MAP3K5: variants seen among roughly 807,000 people sequenced by gnomAD.
The protein encoded by MAP3K5 is ASK-1.
Under a neutral mutation model 158.7 loss-of-function variants are expected in MAP3K5, and 56 were observed. The observed-to-expected ratio is 0.35, with a 90% confidence interval of 0.28 to 0.44. The LOEUF is 0.44. Ranked by LOEUF, MAP3K5 falls within the 20% of genes least tolerant of loss-of-function variation. The pLI is 1.00. For missense variants in MAP3K5, 1,294 were observed against 1,674.8 expected (o/e 0.77, Z 3.97); for synonymous variants, 579 against 601.7 (o/e 0.96, Z 0.55).
chr6:136,655,355 G>A (rs942741470), intron 10 of MAP3K5, among the ~76,000 whole-genome samples: 2 of 152,210 alleles, frequency 1.3e-5, no homozygotes, highest in African/African-American at 2.4e-5. Flanking sequence ...AAAGTGAAGT[G>A]TTTCAGTTAG....
intron 1 of MAP3K5, among the ~76,000 whole-genome samples, chr6:136,749,907 A>G (rs918999575): frequency 1.3e-5 from 2 of 152,142 alleles, no homozygotes; most frequent in East Asian, 1.9e-4. Flanking sequence ...GAGCAGCTAT[A>G]TCGGTAAACC....
intron 14 of MAP3K5, chr6:136,636,994 CTTCT>C (rs1467830565): frequency 2.8e-6 from 3 of 1,060,694 alleles, no homozygotes; most frequent in Non-Finnish European, 3.4e-6. Flanking sequence ...TTCAGTGAAT[CTTCT>C]TTGTCTGAAT....
At chr6:136,654,494 T>G (rs763354137) in intron 10 of MAP3K5, among the ~76,000 whole-genome samples, 1 of 152,212 alleles carries the variant, frequency 6.6e-6, no homozygotes, top group Non-Finnish European at 1.5e-5. Flanking sequence ...TTGCCCAGGC[T>G]GGACTGCAAT....
chr6:136,664,748 T>C (rs111536142), intron 8 of MAP3K5, among the ~76,000 whole-genome samples: 2,853 of 152,254 alleles, frequency 0.019, 77 homozygotes, highest in African/African-American at 0.061. Context: ...TTGGCCAACA[T>C]GGCAAAATCC....
In MAP3K5 at chr6:136,768,926, A is replaced by G. The variant is rs573642992; in HGVS notation, c.448+22784T>C. Among the ~76,000 whole-genome samples the G allele has an allele frequency of 1.4e-4, 22 of 152,174 alleles. 1 individual carries two copies. The highest frequency in any genetic ancestry group is 3.4e-3 in the Middle Eastern group (1 of 294). The stretch of plus-strand genomic sequence containing the variant: ...AGTGAAACTCCATGTCAAAAAAAAA[A>G]AAAGAAAGAAAATGGCTTGGTGATT... On this transcript the variant is annotated intron_variant, in intron 1 of 29. Coordinates refer to ENST00000359015, the MANE Select transcript of MAP3K5 (RefSeq NM_005923.4).
intron 11 of MAP3K5, among the ~76,000 whole-genome samples, chr6:136,648,708 A>G (rs896579595): frequency 6.6e-6 from 1 of 152,210 alleles, no homozygotes; most frequent in African/African-American, 2.4e-5. Flanking sequence ...CCTAGAAACT[A>G]TAGCACCGGG....
intron 28 of MAP3K5, among the ~76,000 whole-genome samples, chr6:136,560,873 G>C (rs1305435580): frequency 6.6e-6 from 1 of 151,536 alleles, no homozygotes; most frequent in East Asian, 1.9e-4. Context: ...CTTGAGCCCA[G>C]CAGGTCAAGG....
chr6:136,718,619 G>C (rs1182685992), intron 2 of MAP3K5, among the ~76,000 whole-genome samples: 1 of 152,146 alleles, frequency 6.6e-6, no homozygotes, highest in Non-Finnish European at 1.5e-5. Flanking sequence ...GCCTTTTTAA[G>C]GAACTACTTC....
At chr6:136,765,359 C>T (rs1377023888) in intron 1 of MAP3K5, among the ~76,000 whole-genome samples, 1 of 152,032 alleles carries the variant, frequency 6.6e-6, no homozygotes, top group Non-Finnish European at 1.5e-5. Context: ...ATGCAGTGTG[C>T]AAACACAGCT....
At chr6:136,561,474 G>T in intron 28 of MAP3K5, 59 bp downstream of exon 28, 1 of 1,253,532 alleles carries the variant, frequency 8.0e-7, no homozygotes, top group Non-Finnish European at 1.2e-6. Flanking sequence ...CACATAGCAG[G>T]CACCCAACAT....
chr6:136,779,358 A>G (rs1326906827), intron 1 of MAP3K5, among the ~76,000 whole-genome samples: 1 of 151,038 alleles, frequency 6.6e-6, no homozygotes, highest in African/African-American at 2.4e-5. Flanking sequence ...CAGGAGGATC[A>G]CTTGAGTCTG....
In MAP3K5 at chr6:136,601,869, G is replaced by A. The variant is rs1303233596; in HGVS notation, c.2790C>T (p.Asn930=). The change falls in exon 20 of 30, where the codon AAC becomes AAT. Residue 930 remains asparagine (N), a synonymous_variant. Transcript: ENST00000359015. Reference sequence around the variant, plus strand: ...TTAAAAACTCATCAACAAGCAAGTCGTTAGCACAGGCTCTCTTGTCAGGAT... The same window carrying A: ...TTAAAAACTCATCAACAAGCAAGTCATTAGCACAGGCTCTCTTGTCAGGAT... ...EPDPDKRACA[N]DLLVDEFLKV... is the part of the protein sequence containing the mutation. The A allele has an allele frequency of 3.1e-6, 5 of 1,614,134 alleles. No individual in the cohort carries two copies. The South Asian group carries it at 3.3e-5, about 11-fold the overall frequency.
At chr6:136,735,737 G>A (rs974847620) in intron 1 of MAP3K5, among the ~76,000 whole-genome samples, 3 of 152,146 alleles carry the variant, frequency 2.0e-5, no homozygotes, top group African/African-American at 7.2e-5. Context: ...GCTGAGGCAG[G>A]AGGATGGCTT....
chr6:136,562,257 T>A (rs1458369573), intron 27 of MAP3K5, among the ~76,000 whole-genome samples: 1 of 152,230 alleles, frequency 6.6e-6, no homozygotes, highest in Non-Finnish European at 1.5e-5. Flanking sequence ...GAGAGCCCTG[T>A]TTACCTCAGT....
At chr6:136,720,949 A>T (rs1319693377) in intron 1 of MAP3K5, among the ~76,000 whole-genome samples, 1 of 152,088 alleles carries the variant, frequency 6.6e-6, no homozygotes, top group Non-Finnish European at 1.5e-5. Flanking sequence ...CCAGCTAATT[A>T]AAAAATTTTT....
In MAP3K5 at chr6:136,698,401, CT is replaced by C. The variant is rs1351583946; in HGVS notation, c.806+87del. The C allele has an allele frequency of 1.6e-5, 18 of 1,127,716 alleles. No homozygotes were observed. The African/African-American group carries it at 2.7e-4, about 17-fold the overall frequency. 69.9% of individuals were successfully genotyped at this position (1,127,716 alleles called of 1,614,324 possible). A position where few individuals can be genotyped will look rare whatever the true frequency, so the allele number is the denominator to read the frequency against. ...CTAGTTCTTAGCTGTATACTGATATCTCAGGAGCACCTGATATCATGCACAA... is the reference window on the plus strand; with the variant it reads ...CTAGTTCTTAGCTGTATACTGATATCCAGGAGCACCTGATATCATGCACAA... On this transcript the variant is annotated intron_variant, in intron 4 of 29. Coordinates refer to ENST00000359015, the MANE Select transcript of MAP3K5 (RefSeq NM_005923.4).
chr6:136,558,002 C>G (rs765350140), intron 29 of MAP3K5, among the ~76,000 whole-genome samples, 184 bp from the exon 30 acceptor site: 2 of 152,216 alleles, frequency 1.3e-5, no homozygotes, highest in Non-Finnish European at 2.9e-5. Context: ...TCCCTTTTCA[C>G]TCCCACAAAC....
chr6:136,717,920 A>G (rs1562641386), intron 2 of MAP3K5, among the ~76,000 whole-genome samples: 1 of 152,220 alleles, frequency 6.6e-6, no homozygotes, highest in Non-Finnish European at 1.5e-5. Context: ...AGAAAAAAAG[A>G]AGGATGTTAC....
At chr6:136,670,019 T>C (rs1182095978) in intron 7 of MAP3K5, among the ~76,000 whole-genome samples, 1 of 151,830 alleles carries the variant, frequency 6.6e-6, no homozygotes, top group Non-Finnish European at 1.5e-5. Context: ...GGTAACACAC[T>C]GAAATGATCA....
Sources: allele counts gnomAD v4.1 joint callset (sites outside exome capture counted in the v4.1 genomes callset), GRCh38; gene constraint gnomAD v4.1.1; transcripts MANE v1.5; gene names NCBI Gene and HGNC (gene_info 2026-07-23, HGNC 2026-07-21).